The following NAV2 variants were observed in gnomAD, a reference collection of about 807,000 sequenced individuals.
NAV2 encodes helicase, APC down-regulated 1.
A neutral mutation model predicts 223.2 loss-of-function variants in NAV2; 54 were observed. That is an observed-to-expected ratio of 0.24 (90% CI 0.19 to 0.30). The LOEUF is 0.30. Ranked by LOEUF, NAV2 falls within the 10% of genes least tolerant of loss-of-function variation. The pLI is 1.00. For missense variants in NAV2, 2,806 were observed against 3,147.5 expected (o/e 0.89, Z 2.60); for synonymous variants, 1,279 against 1,239.3 (o/e 1.03, Z -0.67).
chr11:19,858,042 G>A (rs2061493113), intron 3 of NAV2, among the ~76,000 whole-genome samples: 1 of 152,158 alleles, frequency 6.6e-6, no homozygotes, highest in African/African-American at 2.4e-5. Context: ...ATTTTTAGTA[G>A]AGATGGGTTT....
chr11:19,452,008 T>G (rs1435067267), intron 1 of NAV2, among the ~76,000 whole-genome samples: 1 of 152,166 alleles, frequency 6.6e-6, no homozygotes, highest in Non-Finnish European at 1.5e-5. Context: ...CCATGAAGTA[T>G]CCTCATAACT....
chr11:19,510,041 A>C (rs1327380658), intron 1 of NAV2, among the ~76,000 whole-genome samples: 1 of 152,150 alleles, frequency 6.6e-6, no homozygotes, highest in Non-Finnish European at 1.5e-5. Flanking sequence ...GTTCGATGAG[A>C]TTGGAAAACT....
At chr11:19,940,756 A>G (rs2046337656) in intron 8 of NAV2, among the ~76,000 whole-genome samples, 1 of 152,196 alleles carries the variant, frequency 6.6e-6, no homozygotes, top group Non-Finnish European at 1.5e-5. Flanking sequence ...ATTTCAGAGG[A>G]TTCTGGTTCC....
chr11:19,738,473 C>T (rs553344899), intron 1 of NAV2, among the ~76,000 whole-genome samples: 2 of 152,186 alleles, frequency 1.3e-5, no homozygotes, highest in Non-Finnish European at 2.9e-5. Flanking sequence ...GGAGAAAATA[C>T]GGAGACCATA....
At chr11:19,788,990 C>T (rs146380185) in intron 1 of NAV2, among the ~76,000 whole-genome samples, 1 of 152,262 alleles carries the variant, frequency 6.6e-6, no homozygotes, top group East Asian at 1.9e-4. Context: ...TGCTGGCTCT[C>T]ATGAGGGCAA....
At chr11:19,986,568 C>T (rs954300250) in intron 11 of NAV2, among the ~76,000 whole-genome samples, 14 of 152,052 alleles carry the variant, frequency 9.2e-5, no homozygotes, top group South Asian at 2.1e-4. Context: ...TGCAATGAGC[C>T]GAGATTGTGC....
intron 1 of NAV2, among the ~76,000 whole-genome samples, chr11:19,645,453 C>A (rs567772233): frequency 6.6e-6 from 1 of 152,108 alleles, no homozygotes. Context: ...GGGATTCAGA[C>A]GTGAACATCT....
rs563551712 is a variant in NAV2, at chr11:19,395,696, T to C, written c.75+44669T>C. Among the ~76,000 whole-genome samples the C allele has an allele frequency of 8.5e-5, 13 of 152,332 alleles. No individual in the cohort carries two copies. In the South Asian group the frequency reaches 1.5e-3, roughly 17 times the overall value. On this transcript the variant is annotated intron_variant, in intron 1 of 37. Coordinates refer to the NAV2 transcript ENST00000360655. Reference sequence around the variant, plus strand: ...TCTCTTGGGAGCAAACCAAGCACACTGATGGCTCTGGGATTGATTTCAGCC... The same window carrying C: ...TCTCTTGGGAGCAAACCAAGCACACCGATGGCTCTGGGATTGATTTCAGCC...
intron 1 of NAV2, among the ~76,000 whole-genome samples, chr11:19,682,523 C>T (rs1231958254): frequency 1.3e-5 from 2 of 152,136 alleles, no homozygotes; most frequent in African/African-American, 2.4e-5. Flanking sequence ...CCATTTGTGT[C>T]GCTATAAAGA....
At chr11:19,373,756 T>C (rs1197516433) in intron 1 of NAV2, among the ~76,000 whole-genome samples, 6 of 152,242 alleles carry the variant, frequency 3.9e-5, no homozygotes, top group Admixed American at 3.3e-4. Flanking sequence ...ATTATCTTCA[T>C]GATTGTCGCT....
At chr11:19,637,043 G>A (rs1230539031) in intron 1 of NAV2, among the ~76,000 whole-genome samples, 1 of 152,162 alleles carries the variant, frequency 6.6e-6, no homozygotes, top group East Asian at 1.9e-4. Flanking sequence ...AATACCTCTG[G>A]GCCGTCTTTT....
chr11:19,935,476 G>A (rs1247478934), intron 7 of NAV2, among the ~76,000 whole-genome samples: 2 of 152,202 alleles, frequency 1.3e-5, no homozygotes, highest in Non-Finnish European at 2.9e-5. Context: ...GTGCATAGGT[G>A]CATGCCCAGA....
upstream of NAV2, chr11:19,711,702 T>C (rs2049886680): frequency 6.6e-6 from 1 of 152,194 alleles, no homozygotes; most frequent in African/African-American, 2.4e-5. Context: ...TAAACAGAGA[T>C]GACTTTGGGG....
At chr11:20,100,852 A>T in intron 31 of NAV2, 85 bp from the exon 32 acceptor site, 1 of 1,128,392 alleles carries the variant, frequency 8.9e-7, no homozygotes, top group Non-Finnish European at 1.3e-6. Flanking sequence ...GAATCACCTC[A>T]GGTCTTGGCA....
At chr11:19,822,962 C>T (rs11025274) in intron 1 of NAV2, among the ~76,000 whole-genome samples, 6 of 151,886 alleles carry the variant, frequency 4.0e-5, no homozygotes, top group Non-Finnish European at 7.4e-5. Flanking sequence ...AGCTCAAAGG[C>T]GTGTCACAAA....
upstream of NAV2, among the ~76,000 whole-genome samples, chr11:19,709,597 G>A (rs2049799959): frequency 1.3e-5 from 2 of 150,654 alleles, no homozygotes; most frequent in Non-Finnish European, 3.0e-5. Context: ...ATCTTTGGGA[G>A]GCCAAGGCAG....
chr11:19,562,189 G>A (rs1716655520), intron 1 of NAV2, among the ~76,000 whole-genome samples: 1 of 152,202 alleles, frequency 6.6e-6, no homozygotes, highest in African/African-American at 2.4e-5. Context: ...ACAGAACTCT[G>A]ACTGTGCCAA....
At chr11:19,614,842 G>A (rs1022497917) in intron 1 of NAV2, among the ~76,000 whole-genome samples, 1 of 152,170 alleles carries the variant, frequency 6.6e-6, no homozygotes, top group Admixed American at 6.5e-5. Context: ...GGATTATGAT[G>A]AGGACTTCCT....
intron 1 of NAV2, among the ~76,000 whole-genome samples, chr11:19,618,303 T>C (rs2046860525): frequency 6.6e-6 from 1 of 151,500 alleles, no homozygotes; most frequent in Non-Finnish European, 1.5e-5. Context: ...GCTGGATGGA[T>C]TGCTGGATGG....
Sources: allele counts gnomAD v4.1 joint callset (sites outside exome capture counted in the v4.1 genomes callset), GRCh38; gene constraint gnomAD v4.1.1; transcripts MANE v1.5; gene names NCBI Gene and HGNC (gene_info 2026-07-23, HGNC 2026-07-21).